The following MCTP2 variants were observed in gnomAD, a reference collection of about 807,000 sequenced individuals.
MCTP2 encodes the protein multiple C2 and transmembrane domain-containing protein 2.
Under a neutral mutation model 111.6 loss-of-function variants are expected in MCTP2, and 132 were observed. The ratio of observed to expected loss-of-function variants is 1.18; its 90% CI spans 1.03 to 1.37. The LOEUF (loss-of-function observed/expected upper bound fraction) is 1.37, where lower values mean the gene tolerates loss of function less well. MCTP2 is among the 40% of genes most tolerant of loss of function. MCTP2 has a pLI of 0.00. For synonymous variants in MCTP2, 395 were observed against 387.7 expected (o/e 1.02, Z -0.22); for missense variants, 1,183 against 1,067.9 (o/e 1.11, Z -1.50).
intron 1 of MCTP2, among the ~76,000 whole-genome samples, chr15:94,239,964 G>C (rs953712307): frequency 6.6e-6 from 1 of 152,062 alleles, no homozygotes. Flanking sequence ...CCAAAGCCAC[G>C]TGTCAGTTTC....
chr15:94,314,209 G>A, intron 2 of MCTP2, 73 bp from the exon 3 acceptor site: 1 of 1,021,096 alleles, frequency 9.8e-7, no homozygotes, highest in Non-Finnish European at 1.5e-6. Context: ...GAAAAGACCT[G>A]ATAGAGGGTA....
Position 94,356,068 on chromosome 15 carries a change from C to G in MCTP2, c.1006-69C>G, listed in dbSNP as rs185437310. 111 of 1,399,704 alleles carry G rather than the reference C, an allele frequency of 7.9e-5. 3 individuals carry two copies. In the Admixed American group the frequency reaches 3.0e-3, roughly 37 times the overall value. 86.7% of individuals were successfully genotyped at this position (1,399,704 alleles called of 1,614,324 possible). On this transcript the variant is annotated intron_variant, in intron 8 of 22. Coordinates refer to ENST00000357742, the MANE Select transcript of MCTP2 (RefSeq NM_001385001.1). ...AATTAAATACTGAAAGTTGGAATTC[C>G]TATGATCATCAAAGTCACTCTCAGG...
chr15:94,414,816 C>G (rs1324148113), intron 17 of MCTP2, among the ~76,000 whole-genome samples: 1 of 152,088 alleles, frequency 6.6e-6, no homozygotes, highest in Non-Finnish European at 1.5e-5. Flanking sequence ...CATCTAATGA[C>G]CTATGGGTAT....
chr15:94,382,250 C>G (rs1302028626), intron 12 of MCTP2, among the ~76,000 whole-genome samples: 3 of 152,192 alleles, frequency 2.0e-5, no homozygotes, highest in Non-Finnish European at 2.9e-5. Context: ...CTTAAGTATT[C>G]TTTGGTTTAT....
chr15:94,451,947 C>A (rs1044382428), intron 19 of MCTP2, among the ~76,000 whole-genome samples: 3 of 152,158 alleles, frequency 2.0e-5, no homozygotes, highest in African/African-American at 7.2e-5. Context: ...ATGCTAGGTA[C>A]TTTACATATG....
chr15:94,438,233 T>C (rs1178671002), intron 17 of MCTP2, among the ~76,000 whole-genome samples: 2 of 152,152 alleles, frequency 1.3e-5, no homozygotes, highest in Non-Finnish European at 2.9e-5. Context: ...TGTACTTGAT[T>C]TACGCATACA....
chr15:94,367,891 A>G, intron 11 of MCTP2, 100 bp downstream of exon 11: 1 of 1,052,572 alleles, frequency 9.5e-7, no homozygotes. Context: ...AAACTACATC[A>G]AAAGAGATCT....
At chr15:94,444,383 GT>G (rs2084000624) in intron 19 of MCTP2, among the ~76,000 whole-genome samples, 1 of 152,210 alleles carries the variant, frequency 6.6e-6, no homozygotes. Context: ...TTGACTGAAT[GT>G]TTGGGCATTG....
intron 17 of MCTP2, among the ~76,000 whole-genome samples, chr15:94,413,261 A>C (rs186140504): frequency 6.6e-6 from 1 of 152,284 alleles, no homozygotes; most frequent in African/African-American, 2.4e-5. Context: ...GTCTATAAGC[A>C]GAAATTATTA....
chr15:94,315,751 G>A (rs8024196), intron 4 of MCTP2, 114 bp downstream of exon 4: 219,563 of 702,406 alleles, frequency 0.31, 36,147 homozygotes, highest in Admixed American at 0.47. Flanking sequence ...GATAGACAGT[G>A]GCTCAAATCT....
rs944766642 is a variant in MCTP2 at position 94,403,851 on chromosome 15, T to C, written c.2085+1832T>C. Reference sequence around the variant, plus strand: ...AGGAAGATCAAGGTGGTGTTCTCCTTGCTGGTTTTCCAAAGTATGATTTTG... The same window carrying C: ...AGGAAGATCAAGGTGGTGTTCTCCTCGCTGGTTTTCCAAAGTATGATTTTG... On this transcript the variant is annotated intron_variant, in intron 17 of 22. Coordinates refer to ENST00000357742, the MANE Select transcript of MCTP2 (RefSeq NM_001385001.1). 3.4e-4 allele frequency among the ~76,000 whole-genome samples: 52 copies of C among 152,300 alleles called. 2 individuals carry two copies. The highest frequency in any genetic ancestry group is 2.7e-3 in the Admixed American group (41 of 15,302).
intron 11 of MCTP2, among the ~76,000 whole-genome samples, chr15:94,368,689 A>C (rs1475663200): frequency 1.3e-5 from 2 of 152,220 alleles, no homozygotes; most frequent in East Asian, 3.8e-4. Flanking sequence ...ACTGTGAAGA[A>C]GGTTTGACAC....
At chr15:94,233,886 A>G (rs1181741294) in intron 1 of MCTP2, among the ~76,000 whole-genome samples, 2 of 152,200 alleles carry the variant, frequency 1.3e-5, no homozygotes, top group African/African-American at 2.4e-5. Flanking sequence ...CTTTTCTTGT[A>G]ATTGTTGGTA....
intron 17 of MCTP2, among the ~76,000 whole-genome samples, chr15:94,424,484 G>A (rs1368946085): frequency 2.0e-5 from 3 of 152,158 alleles, no homozygotes; most frequent in Non-Finnish European, 4.4e-5. Flanking sequence ...CAAATCTGCT[G>A]AATCAGGAAC....
In MCTP2 at chr15:94,367,783, C is replaced by T. The variant is rs778363939; in HGVS notation, c.1480C>T (p.Gln494Ter). 2 of 1,599,522 alleles carry T rather than the reference C, an allele frequency of 1.3e-6. No homozygotes were observed. The highest frequency in any genetic ancestry group is 2.2e-5 in the South Asian group (2 of 88,932). The stretch of plus-strand genomic sequence containing the variant: ...CCTCAGCGAAAGAAAGCAGATTACC[C>T]AGCGATATGTGAGTGTTTTTCCTTA... Reference protein sequence around the residue: ...ADLSERKQITQRYCLQNSLKD... With the variant: ...ADLSERKQIT The change falls in exon 11 of 23, where the codon CAG (glutamine) becomes TAG (stop). Residue 494 changes from glutamine (Q) to a stop codon, truncating the protein, a stop_gained. Transcript: ENST00000357742. LOFTEE classifies it high-confidence loss of function.
intron 1 of MCTP2, among the ~76,000 whole-genome samples, chr15:94,278,715 A>G (rs946401781): frequency 6.6e-6 from 1 of 151,610 alleles, no homozygotes; most frequent in African/African-American, 2.4e-5. Flanking sequence ...TTTTTTTGAA[A>G]ATCCCTCTCT....
intron 20 of MCTP2, among the ~76,000 whole-genome samples, chr15:94,466,409 C>T (rs1166161385): frequency 1.3e-5 from 2 of 152,252 alleles, no homozygotes; most frequent in East Asian, 1.9e-4. Context: ...GTCCCAGGAC[C>T]TACCAATCTA....
At position 94,404,964 on chromosome 15, in the gene MCTP2, G is replaced by A. The variant is rs143651954; in HGVS notation, c.2085+2945G>A. ...CTGCTTGGTGTCTTTATTCGTCATT[G>A]TGACACTTTGTTCATGTTCCAACTG... is the stretch of plus-strand genomic sequence containing the variant. On this transcript the variant is annotated intron_variant, in intron 17 of 22. Coordinates refer to ENST00000357742, the MANE Select transcript of MCTP2 (RefSeq NM_001385001.1). Among the ~76,000 whole-genome samples, 3 of 152,306 alleles carry A rather than the reference G, an allele frequency of 2.0e-5. No homozygotes were observed. In the East Asian group the frequency reaches 5.8e-4, roughly 29 times the overall value.
At chr15:94,411,134 A>C (rs76291102) in intron 17 of MCTP2, among the ~76,000 whole-genome samples, 394 of 152,326 alleles carry the variant, frequency 2.6e-3, no homozygotes, top group African/African-American at 8.9e-3. Flanking sequence ...CTGGATGTGC[A>C]AACATTTTGT....
Sources: allele counts gnomAD v4.1 joint callset (sites outside exome capture counted in the v4.1 genomes callset), GRCh38; gene constraint gnomAD v4.1.1; transcripts MANE v1.5; gene names NCBI Gene and HGNC (gene_info 2026-07-23, HGNC 2026-07-21).